The following DAG1 variants were observed in gnomAD, a reference collection of about 807,000 sequenced individuals.
The protein encoded by DAG1 is dystroglycan 1.
In DAG1, 8 loss-of-function variants were observed where a neutral mutation model predicts 46.1. That is an observed-to-expected ratio of 0.17 (90% CI 0.10 to 0.31). The LOEUF is 0.31. DAG1 is among the 10% of genes least tolerant of loss of function. The probability of loss-of-function intolerance (pLI) is 1.00; values close to 1 mark genes in which losing one functional copy is unlikely to be tolerated. For missense variants in DAG1, 1,003 were observed against 1,189.9 expected (o/e 0.84, Z 2.31); for synonymous variants, 495 against 481.8 (o/e 1.03, Z -0.36).
At chr3:49,479,960 T>A (rs1283933796) in intron 1 of DAG1, among the ~76,000 whole-genome samples, 2 of 139,172 alleles carry the variant, frequency 1.4e-5, no homozygotes, top group Non-Finnish European at 3.1e-5. Flanking sequence ...TTCTTTTTTT[T>A]TTTTTTTGAG....
intron 1 of DAG1, among the ~76,000 whole-genome samples, chr3:49,482,747 C>G (rs958277706): frequency 6.6e-6 from 1 of 152,010 alleles, no homozygotes; most frequent in African/African-American, 2.4e-5. Context: ...TCATGGATAC[C>G]GAGGGAAGAG....
At chr3:49,482,656 C>T (rs1005201133) in intron 1 of DAG1, among the ~76,000 whole-genome samples, 2 of 152,054 alleles carry the variant, frequency 1.3e-5, no homozygotes, top group Non-Finnish European at 2.9e-5. Context: ...ATGTTTTTGT[C>T]CTTATTATGA....
chr3:49,479,502 G>A (rs1349050562), intron 1 of DAG1, among the ~76,000 whole-genome samples: 1 of 151,472 alleles, frequency 6.6e-6, no homozygotes. Context: ...TAGAGACTGG[G>A]TTTCACCATG....
chr3:49,496,663 ATTTT>A (rs902633913), intron 1 of DAG1, among the ~76,000 whole-genome samples: 1 of 145,364 alleles, frequency 6.9e-6, no homozygotes, highest in Non-Finnish European at 1.5e-5. Flanking sequence ...CCCGGCCTAA[ATTTT>A]TTTTTCTTTT....
At chr3:49,520,931 A>G (rs1353859084) in intron 2 of DAG1, among the ~76,000 whole-genome samples, 2 of 152,118 alleles carry the variant, frequency 1.3e-5, no homozygotes, top group East Asian at 3.9e-4. Flanking sequence ...TCTTGGTTTC[A>G]TAAGCCAATT....
chr3:49,480,635 C>T (rs1233886368), intron 1 of DAG1, among the ~76,000 whole-genome samples: 1 of 144,602 alleles, frequency 6.9e-6, no homozygotes, highest in Admixed American at 7.0e-5. Flanking sequence ...AATTCTTAGA[C>T]AGTTTGGTTC....
intron 1 of DAG1, among the ~76,000 whole-genome samples, chr3:49,505,950 G>A (rs532726779): frequency 2.0e-5 from 3 of 149,222 alleles, no homozygotes; most frequent in Non-Finnish European, 4.4e-5. Context: ...AATTACAGGC[G>A]TGAGCCACCA....
chr3:49,482,056 G>T (rs1161828430), intron 1 of DAG1, among the ~76,000 whole-genome samples: 2 of 152,076 alleles, frequency 1.3e-5, no homozygotes, highest in African/African-American at 4.8e-5. Context: ...AGTAATCCAG[G>T]GATGTTTAAA....
At chr3:49,495,168 G>A (rs2050279535) in intron 1 of DAG1, among the ~76,000 whole-genome samples, 1 of 152,186 alleles carries the variant, frequency 6.6e-6, no homozygotes, top group Admixed American at 6.5e-5. Context: ...TAGCCCCACT[G>A]TACCTTTGTA....
At chr3:49,517,666 C>G (rs1424334403) in intron 2 of DAG1, among the ~76,000 whole-genome samples, 1 of 152,108 alleles carries the variant, frequency 6.6e-6, no homozygotes, top group Non-Finnish European at 1.5e-5. Flanking sequence ...GGCTGCAGGA[C>G]CACAGGTTTG....
At chr3:49,523,958 T>C (rs3870334) in intron 2 of DAG1, among the ~76,000 whole-genome samples, 148,658 of 152,288 alleles carry the variant, frequency 0.98, 72,670 homozygotes, top group Middle Eastern at 1. Flanking sequence ...CCCATTGTTA[T>C]GGGGATGAGT....
intron 1 of DAG1, among the ~76,000 whole-genome samples, chr3:49,505,649 A>G (rs1384245644): frequency 6.6e-6 from 1 of 151,328 alleles, no homozygotes; most frequent in Non-Finnish European, 1.5e-5. Flanking sequence ...GGGCAATTTT[A>G]TTTTTTCTTT....
At chr3:49,519,211 T>C (rs1174633206) in intron 2 of DAG1, among the ~76,000 whole-genome samples, 2 of 152,330 alleles carry the variant, frequency 1.3e-5, no homozygotes, top group East Asian at 3.9e-4. Context: ...GGAGATGTTC[T>C]AACCTCTCCT....
intron 2 of DAG1, among the ~76,000 whole-genome samples, chr3:49,511,177 AACTT>A (rs1217102558): frequency 1.3e-5 from 2 of 152,226 alleles, no homozygotes; most frequent in African/African-American, 2.4e-5. Context: ...TTATGCTTTG[AACTT>A]ACTTTTTAAA....
rs758190062 is a variant in DAG1, at chr3:49,531,598, C to A, written c.1087C>A (p.Pro363Thr). The change falls in exon 3 of 3, where the codon CCT becomes ACT. Residue 363 changes from proline to threonine, a missense_variant. By Grantham distance (38) the Pro-to-Thr change is conservative (BLOSUM62 -1). Around this residue, in one of 3 missense-constraint regions of DAG1, gnomAD observed 755 missense variants for 854.1 expected, o/e 0.88. Transcript: ENST00000308775. The surrounding 1 kb of genome is among the most constrained non-coding windows in gnomAD (Gnocchi z 7.0). ...TMAPPVRDPV[P>T]GKPTVTIRTR... ...GGCTCCTCCAGTCAGGGATCCTGTT[C>A]CTGGGAAACCCACGGTCACCATCCG... is the stretch of plus-strand genomic sequence containing the variant. 6.2e-7 allele frequency: 1 copy of A among 1,613,110 alleles called. No homozygotes were observed.
At chr3:49,479,693 A>G (rs1314997577) in intron 1 of DAG1, among the ~76,000 whole-genome samples, 3 of 117,800 alleles carry the variant, frequency 2.5e-5, no homozygotes, top group African/African-American at 6.7e-5. Context: ...GCTGGAGTGC[A>G]GTGGCTCGAT....
rs998718075 is a variant in DAG1 at position 49,531,170 on chromosome 3, T to C, written c.659T>C (p.Val220Ala). Reference sequence around the variant, plus strand: ...CACAGGATGCGGAGCTTCTCAGAAGTAGAGCTTCACAACATGAAATTAGTG... The same window carrying C: ...CACAGGATGCGGAGCTTCTCAGAAGCAGAGCTTCACAACATGAAATTAGTG... ...LLHRMRSFSE[V>A]ELHNMKLVPV... The change falls in exon 3 of 3, where the codon GTA becomes GCA. Residue 220 changes from valine to alanine, a missense_variant. Val to Ala is a moderately conservative substitution (Grantham distance 64). This residue lies in a region of DAG1 where 52 missense variants were observed against 96.7 expected (regional missense o/e 0.54). Transcript: ENST00000308775. This position sits in a 1 kb window ranked among gnomAD's most constrained non-coding sequence, Gnocchi z 7.0. 2.5e-6 allele frequency: 4 copies of C among 1,613,962 alleles called. No individual in the cohort carries two copies. The African/African-American group carries it at 5.3e-5, about 22-fold the overall frequency.
At chr3:49,514,478 C>T (rs2050841754) in intron 2 of DAG1, among the ~76,000 whole-genome samples, 1 of 148,348 alleles carries the variant, frequency 6.7e-6, no homozygotes, top group Non-Finnish European at 1.5e-5. Context: ...ATTTTTTAAC[C>T]TTTTTTTTTT....
At chr3:49,485,841 TG>T (rs1417754871) in intron 1 of DAG1, among the ~76,000 whole-genome samples, 1 of 151,958 alleles carries the variant, frequency 6.6e-6, no homozygotes, top group African/African-American at 2.4e-5. Context: ...TTTTTCCTTT[TG>T]TAGATACATG....
Sources: gnomAD v4.1 joint callset for allele counts (sites outside exome capture counted in the v4.1 genomes callset) on GRCh38, gnomAD v4.1.1 for gene constraint, gnomAD v4.1.1 regional missense constraint, Gnocchi (gnomAD v3.1) non-coding constraint, MANE v1.5 for transcripts, NCBI Gene and HGNC (gene_info 2026-07-23, HGNC 2026-07-21) for gene names.